MFN1: variants seen among roughly 807,000 people sequenced by gnomAD.
MFN1 encodes the protein mitofusin 1.
Under a neutral mutation model 92.4 loss-of-function variants are expected in MFN1, and 65 were observed. The observed-to-expected ratio is 0.70, with a 90% CI of 0.58 to 0.86. The LOEUF is 0.86. Among genes scored for constraint, MFN1 ranks in the 40% least tolerant of loss-of-function variants. The pLI, the probability that MFN1 is intolerant of heterozygous loss-of-function variation, is 0.00. For synonymous variants in MFN1, 297 were observed against 300.9 expected, an observed-to-expected ratio of 0.99 and a Z score of 0.13; for missense variants, 781 against 868.0, an observed-to-expected ratio of 0.90 and a Z score of 1.26.
At position 179,387,584 on chromosome 3, in the gene MFN1, C is replaced by CTTTTTTTTTTTTTTTTTTTT. The variant is rs769878779; in HGVS notation, c.2012+965_2012+984dup. On this transcript the variant is annotated intron_variant, in intron 16 of 17. Transcript: ENST00000471841. ...ATTGCCCTTAAGATATTTGTGGTTT[C>CTTTTTTTTTTTTTTTTTTTT]TTTTTTTTTTTTTTTTTTTTTTTTT... Among the ~76,000 whole-genome samples, 3 of 82,258 alleles carry CTTTTTTTTTTTTTTTTTTTT rather than the reference C, an allele frequency of 3.6e-5. 1 individual carries two copies. The highest frequency in any genetic ancestry group is 5.4e-5 in the African/African-American group (1 of 18,662). 54.0% of individuals were successfully genotyped at this position (82,258 alleles called of 152,430 possible).
At chr3:179,380,386 A>G (rs758738930) in intron 14 of MFN1, among the ~76,000 whole-genome samples, 55 of 152,350 alleles carry the variant, frequency 3.6e-4, no homozygotes, top group Non-Finnish European at 5.4e-4. Context: ...ATGTGAACTT[A>G]CTGTGATAGG....
chr3:179,348,498 T>C (rs1712008882), intron 1 of MFN1, among the ~76,000 whole-genome samples: 1 of 152,220 alleles, frequency 6.6e-6, no homozygotes, highest in South Asian at 2.1e-4. Context: ...AACTTCCTTA[T>C]TGTGTGTGAA....
Position 179,386,532 on chromosome 3 carries a change from G to C in MFN1, c.1915G>C (p.Glu639Gln), listed in dbSNP as rs780517666. 1 of 1,614,072 alleles carries C rather than the reference G, an allele frequency of 6.2e-7. No homozygotes were observed. Among genetic ancestry groups the C allele is most frequent in the Non-Finnish European group, 8.5e-7 (1 of 1,179,978 alleles). ...ERLSWTTHAK[E>Q]RAFKQQFVNY... ...ACTGAGCTGGACCACCCATGCCAAG[G>C]AGCGAGCCTTTAAACAGCAGTTTGT... Residue 639 changes from glutamate (E) to glutamine (Q), a missense_variant, in exon 16 of 18, where the codon GAG becomes CAG. Coordinates refer to ENST00000471841, the MANE Select transcript of MFN1 (RefSeq NM_033540.3).
chr3:179,364,407 T>C lies in MFN1; in HGVS notation c.645+2T>C, dbSNP rs975461673. ...TCTGAATCAACACTAATGAATACGG[T>C]AGGATTTAATCATATTATTGTGTTT... On this transcript the variant is annotated splice_donor_variant, in intron 6 of 17. Coordinates refer to ENST00000471841, the MANE Select transcript of MFN1 (RefSeq NM_033540.3). LOFTEE classifies it high-confidence loss of function. 3 of 1,580,986 alleles carry C rather than the reference T, an allele frequency of 1.9e-6. No individual in the cohort carries two copies. The highest frequency in any genetic ancestry group is 2.6e-6 in the Non-Finnish European group (3 of 1,150,582).
Position 179,367,489 on chromosome 3 carries a change from C to G in MFN1, c.804C>G (p.Leu268=). 6.8e-6 allele frequency: 11 copies of G among 1,613,414 alleles called. No homozygotes were observed. The highest frequency in any genetic ancestry group is 9.3e-6 in the Non-Finnish European group (11 of 1,179,800). ...GCCTGCATTTCTTGGTGGAGGAGCT[C>G]AAAGTTGTAAATGCTTTAGAAGCAC... ...ERCLHFLVEE[L]KVVNALEAQN... Residue 268 remains leucine, a synonymous_variant, in exon 8 of 18, where the codon CTC becomes CTG. Transcript: ENST00000471841.
At chr3:179,363,914 A>G (rs1394450712) in intron 5 of MFN1, among the ~76,000 whole-genome samples, 1 of 152,120 alleles carries the variant, frequency 6.6e-6, no homozygotes, top group Non-Finnish European at 1.5e-5. Context: ...CTTTTTACAA[A>G]TATTTATTGT....
intron 10 of MFN1, among the ~76,000 whole-genome samples, chr3:179,375,917 A>T (rs1429847786): frequency 1.3e-5 from 2 of 152,232 alleles, no homozygotes; most frequent in Non-Finnish European, 2.9e-5. Flanking sequence ...TACCAGCATT[A>T]TCGATACAAA....
intron 14 of MFN1, among the ~76,000 whole-genome samples, chr3:179,379,434 A>G (rs1577013711): frequency 1.3e-5 from 2 of 151,870 alleles, no homozygotes; most frequent in South Asian, 2.1e-4. Flanking sequence ...GCTCACTGCA[A>G]CCTCCACCTC....
chr3:179,375,201 C>A lies in MFN1; in HGVS notation c.976-19C>A. 6.3e-7 allele frequency: 1 copy of A among 1,596,942 alleles called. No homozygotes were observed. The highest frequency in any genetic ancestry group is 2.2e-5 in the East Asian group (1 of 44,480). On this transcript the variant is annotated intron_variant, in intron 9 of 17. Transcript: ENST00000471841. ...GCGATGGAATTACAGTAATGTGTTACGGCTTGGGCCCCTCGCAGGAGTGTA... is the reference window on the plus strand; with the variant it reads ...GCGATGGAATTACAGTAATGTGTTAAGGCTTGGGCCCCTCGCAGGAGTGTA...
chr3:179,348,746 T>TATTTC, intron 1 of MFN1, 99 bp from the exon 2 acceptor site: 1 of 1,504,202 alleles, frequency 6.6e-7, no homozygotes, highest in Non-Finnish European at 9.0e-7. Context: ...CAGCATAATT[T>TATTTC]ATTTCATTGG....
Position 179,354,791 on chromosome 3 carries a change from C to A in MFN1, c.248+2756C>A, listed in dbSNP as rs1334126960. Among the ~76,000 whole-genome samples the A allele has an allele frequency of 2.6e-5, 4 of 152,002 alleles. No individual in the cohort carries two copies. The East Asian group carries it at 7.7e-4, about 29-fold the overall frequency. On this transcript the variant is annotated intron_variant, in intron 3 of 17. Coordinates refer to ENST00000471841, the MANE Select transcript of MFN1 (RefSeq NM_033540.3). ...CCAGAACTGAGGGTTGGTACCTGTC[C>A]CCCACTTTTTCTTTTTTTGGGAGAC...
intron 14 of MFN1, among the ~76,000 whole-genome samples, chr3:179,380,648 C>T (rs1713429629): frequency 6.6e-6 from 1 of 152,188 alleles, no homozygotes; most frequent in Admixed American, 6.5e-5. Flanking sequence ...TTATTTCAAC[C>T]TTGTGACCAG....
intron 5 of MFN1, among the ~76,000 whole-genome samples, chr3:179,363,974 TA>T (rs1712685293): frequency 6.6e-6 from 1 of 152,218 alleles, no homozygotes; most frequent in South Asian, 2.1e-4. Flanking sequence ...ATTAAATTTA[TA>T]TTTTTTTATT....
At chr3:179,382,988 A>G (rs1203489172) in intron 14 of MFN1, among the ~76,000 whole-genome samples, 3 of 152,122 alleles carry the variant, frequency 2.0e-5, no homozygotes, top group African/African-American at 7.2e-5. Flanking sequence ...AGATGAGTAG[A>G]TTGCAAAAAT....
At position 179,378,781 on chromosome 3, in the gene MFN1, G is replaced by T; in HGVS notation, c.1629G>T (p.Arg543Ser). ...HRFLGPRNAQ[R>S]VLLGLSEPIF... ...TTTTGGGCCCTAGAAATGCTCAAAG[G>T]GTGCTCCTAGGATTATCAGAGCCTA... Residue 543 changes from arginine to serine, a missense_variant, in exon 14 of 18, where the codon AGG becomes AGT. Transcript: ENST00000471841. The T allele has an allele frequency of 6.2e-7, 1 of 1,613,516 alleles. No homozygotes were observed. The highest frequency in any genetic ancestry group is 8.5e-7 in the Non-Finnish European group (1 of 1,179,656).
intron 7 of MFN1, among the ~76,000 whole-genome samples, chr3:179,366,412 A>T (rs1330990688): frequency 7.3e-5 from 11 of 151,346 alleles, no homozygotes; most frequent in Non-Finnish European, 1.5e-5. Flanking sequence ...CATTTTAGTC[A>T]CACCAATTGT....
intron 7 of MFN1, among the ~76,000 whole-genome samples, 173 bp downstream of exon 7, chr3:179,365,398 T>C (rs1005914544): frequency 3.9e-5 from 6 of 152,182 alleles, no homozygotes; most frequent in African/African-American, 1.2e-4. Flanking sequence ...TGAAGTTACT[T>C]TGAGGGAAAA....
chr3:179,374,372 T>TATATATAAC (rs919909514), intron 9 of MFN1, among the ~76,000 whole-genome samples: 3 of 130,454 alleles, frequency 2.3e-5, no homozygotes, highest in Admixed American at 1.5e-4. Flanking sequence ...ATATGTAATA[T>TATATATAAC]ATATATAACA....
In MFN1 at chr3:179,394,603, G is replaced by A. The variant is rs1714031254; in HGVS notation, c.*2544G>A. 6.6e-6 allele frequency: 1 copy of A among 151,584 alleles called. No homozygotes were observed. The highest frequency in any genetic ancestry group is 2.1e-4 in the South Asian group (1 of 4,812). The allele number at this position is 151,584 out of a possible 1,614,324, so 9.4% of individuals were successfully genotyped here. A position where few individuals can be genotyped will look rare whatever the true frequency, so the allele number is the denominator to read the frequency against. ...GCTAATTTTTTGTATTTTTAGTAGA[G>A]ACGGGGTTTCACCGTGTTAGCCAGG... On this transcript the variant is annotated 3_prime_UTR_variant, in exon 18 of 18. Coordinates refer to ENST00000471841, the MANE Select transcript of MFN1 (RefSeq NM_033540.3).
Sources: allele counts gnomAD v4.1 joint callset (sites outside exome capture counted in the v4.1 genomes callset), GRCh38; gene constraint gnomAD v4.1.1; transcripts MANE v1.5; gene names NCBI Gene and HGNC (gene_info 2026-07-23, HGNC 2026-07-21).